The following EPB41L4A variants were observed in gnomAD, a reference collection of about 807,000 sequenced individuals.
EPB41L4A encodes the protein erythrocyte membrane protein band 4.1 like 4A.
EPB41L4A carries 100 observed loss-of-function variants against 108.6 expected under a neutral mutation model. The ratio of observed to expected loss-of-function variants is 0.92; its 90% confidence interval spans 0.78 to 1.09. EPB41L4A has a LOEUF of 1.09. Among genes scored for constraint, EPB41L4A ranks in the 50% least tolerant of loss-of-function variants. The pLI is 0.00. For synonymous variants in EPB41L4A, 319 were observed against 289.0 expected (o/e 1.10, Z -1.05); for missense variants, 1,030 against 842.7 (o/e 1.22, Z -2.75).
intron 1 of EPB41L4A, among the ~76,000 whole-genome samples, chr5:112,349,992 C>T (rs1561595706): frequency 6.6e-6 from 1 of 152,194 alleles, no homozygotes; most frequent in Non-Finnish European, 1.5e-5. Context: ...GGATGGGAGA[C>T]AGCATGGTGT....
At chr5:112,226,507 C>A (rs984376247) in intron 12 of EPB41L4A, among the ~76,000 whole-genome samples, 1 of 152,146 alleles carries the variant, frequency 6.6e-6, no homozygotes, top group African/African-American at 2.4e-5. Context: ...ATAGGGGAAA[C>A]CACCTTACAT....
chr5:112,386,945 C>A (rs17134454), intron 1 of EPB41L4A, among the ~76,000 whole-genome samples: 1 of 152,102 alleles, frequency 6.6e-6, no homozygotes, highest in Non-Finnish European at 1.5e-5. Flanking sequence ...TCACCACTGA[C>A]AGTGTTCCTA....
intron 4 of EPB41L4A, among the ~76,000 whole-genome samples, chr5:112,274,439 A>C (rs1016969966): frequency 6.6e-6 from 1 of 152,240 alleles, no homozygotes; most frequent in African/African-American, 2.4e-5. Flanking sequence ...AAAAGGTCCA[A>C]TTAGCCTACC....
chr5:112,352,937 G>A (rs1435007267), intron 1 of EPB41L4A, among the ~76,000 whole-genome samples: 1 of 152,158 alleles, frequency 6.6e-6, no homozygotes, highest in Non-Finnish European at 1.5e-5. Context: ...TACAGTAACA[G>A]CTTCTTCTTC....
At chr5:112,342,709 G>A (rs1757392386) in intron 1 of EPB41L4A, among the ~76,000 whole-genome samples, 3 of 152,166 alleles carry the variant, frequency 2.0e-5, no homozygotes, top group Admixed American at 2.0e-4. Context: ...CAAAGGGGTG[G>A]ACTTCATAAG....
At chr5:112,346,574 C>T (rs1757692873) in intron 1 of EPB41L4A, among the ~76,000 whole-genome samples, 1 of 151,992 alleles carries the variant, frequency 6.6e-6, no homozygotes, top group African/African-American at 2.4e-5. Flanking sequence ...TAATAAAATG[C>T]CTAGAGGTTA....
At chr5:112,212,313 G>A (rs1237050147) in intron 12 of EPB41L4A, among the ~76,000 whole-genome samples, 1 of 147,958 alleles carries the variant, frequency 6.8e-6, no homozygotes, top group Non-Finnish European at 1.5e-5. Flanking sequence ...TTTCTCCTGA[G>A]ACAGAGTCTT....
chr5:112,162,788 A>G lies in EPB41L4A; in HGVS notation c.*2202T>C, dbSNP rs1316122434. 2.0e-5 allele frequency: 3 copies of G among 152,240 alleles called. No homozygotes were observed. The highest frequency in any genetic ancestry group is 7.2e-5 in the African/African-American group (3 of 41,466). The allele number at this position is 152,240 out of a possible 1,614,324, so 9.4% of individuals were successfully genotyped here. ...TTCCGTGATAGGATTTTCTTAGGGA[A>G]ACCTGAGAAAGAGTTGAGACTAAAG... On this transcript the variant is annotated 3_prime_UTR_variant, in exon 23 of 23. Coordinates refer to ENST00000261486, the MANE Select transcript of EPB41L4A (RefSeq NM_022140.5).
At chr5:112,212,694 C>G (rs1462760840) in intron 12 of EPB41L4A, among the ~76,000 whole-genome samples, 1 of 152,078 alleles carries the variant, frequency 6.6e-6, no homozygotes. Context: ...TGAAAAGGAG[C>G]TTCATGTCCT....
chr5:112,269,981 A>C (rs1752147904), intron 4 of EPB41L4A, among the ~76,000 whole-genome samples: 1 of 152,212 alleles, frequency 6.6e-6, no homozygotes, highest in Non-Finnish European at 1.5e-5. Flanking sequence ...ACGGGCCTGA[A>C]ATATTGGCCT....
At chr5:112,382,392 T>C (rs190432504) in intron 1 of EPB41L4A, among the ~76,000 whole-genome samples, 1 of 152,280 alleles carries the variant, frequency 6.6e-6, no homozygotes, top group East Asian at 1.9e-4. Flanking sequence ...GATATGACTA[T>C]ACCTGCAATG....
At chr5:112,339,398 A>G (rs1167531843) in intron 1 of EPB41L4A, among the ~76,000 whole-genome samples, 1 of 151,334 alleles carries the variant, frequency 6.6e-6, no homozygotes, top group Non-Finnish European at 1.5e-5. Context: ...ACACACATAA[A>G]TCTAAGTAGC....
chr5:112,385,939 T>A (rs538106824), intron 1 of EPB41L4A, among the ~76,000 whole-genome samples: 44 of 152,368 alleles, frequency 2.9e-4, no homozygotes, highest in African/African-American at 9.6e-4. Flanking sequence ...CTCTAAGGTT[T>A]ACTGTTTCAG....
rs1357773539 is a variant in EPB41L4A, at chr5:112,277,054, T to C, written c.257-1650A>G. 3.3e-5 allele frequency among the ~76,000 whole-genome samples: 5 copies of C among 152,346 alleles called. No individual in the cohort carries two copies. The East Asian group carries it at 5.8e-4, about 18-fold the overall frequency. On this transcript the variant is annotated intron_variant, in intron 3 of 22. Transcript: ENST00000261486. ...ATACACCTCTATCCCTGAACATAGA[T>C]GTCAGGGAGGCACAGACTATTAAAT... is the stretch of plus-strand genomic sequence containing the variant.
chr5:112,317,273 G>A (rs1755489926), intron 1 of EPB41L4A, among the ~76,000 whole-genome samples: 1 of 152,042 alleles, frequency 6.6e-6, no homozygotes, highest in Admixed American at 6.5e-5. Flanking sequence ...AAATCATCTT[G>A]ATCATCTATA....
chr5:112,204,494 GAGAA>G lies in EPB41L4A; in HGVS notation c.1263-10_1263-7del, dbSNP rs1561473312. 2.5e-6 allele frequency: 4 copies of G among 1,596,142 alleles called. No homozygotes were observed. The highest frequency in any genetic ancestry group is 3.4e-6 in the Non-Finnish European group (4 of 1,163,826). ...TGGGAGAATTGTAGAGTCCACTGGA[GAGAA>G]AGAAAAATGGTCAAAAAGAGCCCAG... On this transcript the variant is annotated splice_polypyrimidine_tract_variant and splice_region_variant and intron_variant, in intron 14 of 22. Transcript: ENST00000261486.
intron 1 of EPB41L4A, among the ~76,000 whole-genome samples, chr5:112,316,639 T>C (rs1755446933): frequency 6.6e-6 from 1 of 152,228 alleles, no homozygotes; most frequent in Non-Finnish European, 1.5e-5. Flanking sequence ...ATATTTTTCA[T>C]ATATAAAAGT....
At chr5:112,325,250 G>A (rs1033381054) in intron 1 of EPB41L4A, among the ~76,000 whole-genome samples, 2 of 152,098 alleles carry the variant, frequency 1.3e-5, no homozygotes, top group Non-Finnish European at 2.9e-5. Context: ...GACCATCCTG[G>A]CTAACATGGT....
At chr5:112,143,039 C>A (rs1759121765) in exon 14 of EPB41L4A, 1 of 152,092 alleles carries the variant, frequency 6.6e-6, no homozygotes, top group Non-Finnish European at 1.5e-5. Context: ...GCAATATCCA[C>A]TCTTGTGTGC....
Sources: gnomAD v4.1 joint callset for allele counts (sites outside exome capture counted in the v4.1 genomes callset) on GRCh38, gnomAD v4.1.1 for gene constraint, MANE v1.5 for transcripts, NCBI Gene and HGNC (gene_info 2026-07-23, HGNC 2026-07-21) for gene names.